The following OR51B5 variants were observed in gnomAD, a reference collection of about 807,000 sequenced individuals.
OR51B5 encodes olfactory receptor family 51 subfamily B member 5.
For missense variants in OR51B5, 456 were observed against 374.6 expected (o/e 1.22, Z -1.79); for synonymous variants, 186 against 144.8 (o/e 1.28, Z -2.04).
chr11:5,500,113 C>A (rs1053611285), intron 1 of OR51B5, among the ~76,000 whole-genome samples: 1 of 152,126 alleles, frequency 6.6e-6, no homozygotes, highest in Admixed American at 6.5e-5. Context: ...ATTATGTGCA[C>A]CTTTGTGAGA....
intron 1 of OR51B5, among the ~76,000 whole-genome samples, chr11:5,471,608 C>G (rs1851230177): frequency 6.7e-6 from 1 of 148,846 alleles, no homozygotes; most frequent in African/African-American, 2.5e-5. Context: ...TGCACTCCAG[C>G]CTGGGTGACA....
At chr11:5,341,944 T>G (rs1384498994), downstream of OR51B5, among the ~76,000 whole-genome samples, 1 of 152,212 alleles carries the variant, frequency 6.6e-6, no homozygotes, top group Non-Finnish European at 1.5e-5. Flanking sequence ...TACAAGTTTG[T>G]CAGAAGGTAC....
chr11:5,454,012 C>G, intron 1 of OR51B5: 1 of 1,614,028 alleles, frequency 6.2e-7, no homozygotes, highest in Non-Finnish European at 8.5e-7. Flanking sequence ...AATGTTCTTT[C>G]TCACTCCTAC....
intron 1 of OR51B5, among the ~76,000 whole-genome samples, chr11:5,362,114 A>C (rs372143119): frequency 1.3e-5 from 2 of 152,236 alleles, no homozygotes; most frequent in Non-Finnish European, 2.9e-5. Flanking sequence ...AAATCCTTAT[A>C]AACCAAAGTC....
chr11:5,344,351 A>T (rs989684398), upstream of OR51B5, among the ~76,000 whole-genome samples: 2 of 152,082 alleles, frequency 1.3e-5, no homozygotes, highest in Admixed American at 6.6e-5. Context: ...TTTTTAAATT[A>T]TTTTTCTATA....
chr11:5,428,572 T>C (rs912241089), intron 1 of OR51B5, among the ~76,000 whole-genome samples: 1 of 113,580 alleles, frequency 8.8e-6, no homozygotes, highest in Non-Finnish European at 2.2e-5. Context: ...TTTTAGCTTT[T>C]TATATTAGAA....
At chr11:5,413,676 G>A (rs1024287178) in intron 1 of OR51B5, among the ~76,000 whole-genome samples, 2 of 152,114 alleles carry the variant, frequency 1.3e-5, no homozygotes, top group African/African-American at 4.8e-5. Flanking sequence ...TGGAAGAAAG[G>A]GTATCAGTGA....
At chr11:5,449,756 T>C (rs1040060885) in intron 1 of OR51B5, among the ~76,000 whole-genome samples, 1 of 152,208 alleles carries the variant, frequency 6.6e-6, no homozygotes, top group Non-Finnish European at 1.5e-5. Context: ...ACCTATCCCA[T>C]GACAAACAGC....
At chr11:5,453,784 T>C in intron 1 of OR51B5, 1 of 1,614,226 alleles carries the variant, frequency 6.2e-7, no homozygotes, top group Non-Finnish European at 8.5e-7. Context: ...GCCTGTCTAA[T>C]TCAGATGTTT....
rs368360716 is a variant in OR51B5 at position 5,352,232 on chromosome 11, A to G, written n.85-5322T>C. 42 of 1,614,030 alleles carry G rather than the reference A, an allele frequency of 2.6e-5. No individual in the cohort carries two copies. Among genetic ancestry groups the G allele is most frequent in the Non-Finnish European group, 3.5e-5 (41 of 1,179,998 alleles). On this transcript the variant is annotated intron_variant and non_coding_transcript_variant, in intron 1 of 4. Transcript: ENST00000415970. ...AAGGCCCTCAACACATGTGTCTCTCATATCTGCTGCATCCTGGTCTTCTAT... is the reference window on the plus strand; with the variant it reads ...AAGGCCCTCAACACATGTGTCTCTCGTATCTGCTGCATCCTGGTCTTCTAT...
In OR51B5 at chr11:5,374,591, T is replaced by A. The variant is rs550784762; in HGVS notation, n.85-27681A>T. Among the ~76,000 whole-genome samples the A allele has an allele frequency of 3.8e-3, 584 of 151,804 alleles. 8 individuals carry two copies. Among genetic ancestry groups the A allele is most frequent in the African/African-American group, 0.013 (546 of 41,370 alleles). On this transcript the variant is annotated intron_variant and non_coding_transcript_variant, in intron 1 of 4. Coordinates refer to the OR51B5 transcript ENST00000415970. Reference sequence around the variant, plus strand: ...AGAAGATAAAAACTTTGAAAAAAAATTTAGATGAATGTATAACTAGAATAA... The same window carrying A: ...AGAAGATAAAAACTTTGAAAAAAAAATTAGATGAATGTATAACTAGAATAA...
At chr11:5,358,752 C>A (rs1260932340) in intron 1 of OR51B5, among the ~76,000 whole-genome samples, 1 of 152,144 alleles carries the variant, frequency 6.6e-6, no homozygotes, top group Non-Finnish European at 1.5e-5. Flanking sequence ...CAATAAAATA[C>A]TGGCAAAGCA....
intron 1 of OR51B5, among the ~76,000 whole-genome samples, chr11:5,408,968 T>C (rs987385332): frequency 1.3e-5 from 2 of 152,228 alleles, no homozygotes; most frequent in African/African-American, 4.8e-5. Context: ...TTGTGCATTC[T>C]TCATCACTAA....
At chr11:5,489,673 AG>A (rs1851553875) in intron 1 of OR51B5, 2 of 1,573,578 alleles carry the variant, frequency 1.3e-6, no homozygotes, top group African/African-American at 2.7e-5. Context: ...AATGCTGAGC[AG>A]AAGTTGGAGA....
intron 1 of OR51B5, among the ~76,000 whole-genome samples, chr11:5,463,203 G>A (rs1331602257): frequency 6.6e-6 from 1 of 152,154 alleles, no homozygotes; most frequent in Non-Finnish European, 1.5e-5. Context: ...CATTTGATTT[G>A]TACATGTACA....
At chr11:5,418,260 T>G in intron 1 of OR51B5, among the ~76,000 whole-genome samples, 2 of 150,952 alleles carry the variant, frequency 1.3e-5, no homozygotes, top group East Asian at 2.0e-4. Flanking sequence ...TGTTGTGGGG[T>G]GCGGGGAGGG....
At chr11:5,343,463 G>T (rs1848937789) in exon 1 of OR51B5, 2 of 1,565,088 alleles carry the variant, frequency 1.3e-6, no homozygotes, top group East Asian at 4.5e-5. Context: ...CCAGTGATGA[G>T]CTTCCTCCAA....
At chr11:5,398,790 A>G (rs1484640490) in intron 1 of OR51B5, among the ~76,000 whole-genome samples, 1 of 152,150 alleles carries the variant, frequency 6.6e-6, no homozygotes, top group Non-Finnish European at 1.5e-5. Context: ...CCTGCCACCA[A>G]GTAAGATGTG....
At chr11:5,425,924 C>T (rs1037548462) in intron 1 of OR51B5, among the ~76,000 whole-genome samples, 4 of 151,916 alleles carry the variant, frequency 2.6e-5, no homozygotes, top group Admixed American at 2.6e-4. Flanking sequence ...CAATAATTAG[C>T]GTAAAAAGAA....
Sources: gnomAD v4.1 joint callset for allele counts (sites outside exome capture counted in the v4.1 genomes callset) on GRCh38, gnomAD v4.1.1 for gene constraint, MANE v1.5 for transcripts, NCBI Gene and HGNC (gene_info 2026-07-23, HGNC 2026-07-21) for gene names.